Variants in REDIC1 observed in about 807,000 individuals in gnomAD.
REDIC1 encodes the protein regulator of DNA class I crossover intermediates 1.
At chr12:39,858,901 C>A in the REDIC1 span, among the ~76,000 whole-genome samples, 1 of 152,042 alleles carries the variant, frequency 6.6e-6, no homozygotes, top group Admixed American at 6.6e-5. Context: ...GCACCGTGCC[C>A]GACCGTTTTT....
the REDIC1 span, chr12:39,692,036 G>C: frequency 6.4e-7 from 1 of 1,556,198 alleles, no homozygotes; most frequent in Non-Finnish European, 8.7e-7. Context: ...TTAACATTTT[G>C]GTTTTCTCCT....
At chr12:39,853,977 T>C in the REDIC1 span, among the ~76,000 whole-genome samples, 1 of 152,110 alleles carries the variant, frequency 6.6e-6, no homozygotes, top group East Asian at 1.9e-4. Flanking sequence ...TAAAATAAAA[T>C]CCTAGTGTTT....
At chr12:39,653,073 A>T in the REDIC1 span, among the ~76,000 whole-genome samples, 3 of 152,144 alleles carry the variant, frequency 2.0e-5, no homozygotes, top group Non-Finnish European at 4.4e-5. Flanking sequence ...AAAAACCAGA[A>T]ACCAAATCTA....
At chr12:39,810,750 C>T in the REDIC1 span, among the ~76,000 whole-genome samples, 82 of 152,108 alleles carry the variant, frequency 5.4e-4, 3 homozygotes, top group East Asian at 4.2e-3. Context: ...TTTCTCTTTT[C>T]TTCTCTTAAT....
the REDIC1 span, among the ~76,000 whole-genome samples, chr12:39,764,067 C>G: frequency 2.6e-5 from 4 of 152,096 alleles, no homozygotes; most frequent in Admixed American, 2.6e-4. Context: ...GGACGCTATG[C>G]CTGTCACAGG....
the REDIC1 span, among the ~76,000 whole-genome samples, chr12:39,768,220 G>A: frequency 6.6e-6 from 1 of 152,048 alleles, no homozygotes; most frequent in African/African-American, 2.4e-5. Context: ...GAATTAAATG[G>A]AATTAGAGAC....
chr12:39,730,329 G>T, the REDIC1 span, among the ~76,000 whole-genome samples: 21 of 152,306 alleles, frequency 1.4e-4, no homozygotes, highest in African/African-American at 4.8e-4. Context: ...GCTTTCTTCA[G>T]GACCTCTTGT....
At chr12:39,720,944 A>G in the REDIC1 span, 15 of 1,613,714 alleles carry the variant, frequency 9.3e-6, no homozygotes, top group East Asian at 2.2e-5. Context: ...CACAAACAGA[A>G]TGAGAATTTC....
chr12:39,825,206 C>A, the REDIC1 span, among the ~76,000 whole-genome samples: 226 of 152,102 alleles, frequency 1.5e-3, 2 homozygotes, highest in Admixed American at 3.7e-3. Flanking sequence ...ATTAGCAATA[C>A]TATTTTAAAT....
chr12:39,860,833 A>G, the REDIC1 span, among the ~76,000 whole-genome samples: 1 of 152,118 alleles, frequency 6.6e-6, no homozygotes, highest in Non-Finnish European at 1.5e-5. Flanking sequence ...GACAACTGTA[A>G]AAAACCAGTC....
chr12:39,684,133 A>G, the REDIC1 span: 3 of 1,000,490 alleles, frequency 3.0e-6, no homozygotes, highest in African/African-American at 1.7e-5. Context: ...GGTGTACAAA[A>G]TGTTCTGAGT....
At chr12:39,666,092 C>T in the REDIC1 span, among the ~76,000 whole-genome samples, 4 of 152,158 alleles carry the variant, frequency 2.6e-5, no homozygotes, top group East Asian at 7.7e-4. Flanking sequence ...GCCAGAACTT[C>T]CAATACTATG....
chr12:39,898,251 A>G, the REDIC1 span, among the ~76,000 whole-genome samples: 1 of 152,196 alleles, frequency 6.6e-6, no homozygotes, highest in African/African-American at 2.4e-5. Flanking sequence ...TACTGCACAG[A>G]AAAGAACCAA....
At chr12:39,677,647 C>T in the REDIC1 span, among the ~76,000 whole-genome samples, 1 of 152,136 alleles carries the variant, frequency 6.6e-6, no homozygotes, top group African/African-American at 2.4e-5. Flanking sequence ...ACATTCTTTT[C>T]ATCAGCACAT....
At chr12:39,877,577 T>C in the REDIC1 span, among the ~76,000 whole-genome samples, 1 of 152,178 alleles carries the variant, frequency 6.6e-6, no homozygotes, top group Non-Finnish European at 1.5e-5. Flanking sequence ...TATATTCTCT[T>C]TCATAGGGCA....
chr12:39,711,927 CTA>C, the REDIC1 span, among the ~76,000 whole-genome samples: 1 of 119,630 alleles, frequency 8.4e-6, no homozygotes, highest in Non-Finnish European at 1.8e-5. Context: ...ACATACATGT[CTA>C]TATGTATATA....
the REDIC1 span, chr12:39,764,899 G>A: frequency 6.8e-5 from 108 of 1,590,488 alleles, no homozygotes; most frequent in Middle Eastern, 1.0e-3. Context: ...TAATGTTTTT[G>A]ACTACAGTTG....
the REDIC1 span, among the ~76,000 whole-genome samples, chr12:39,848,910 C>G: frequency 6.6e-6 from 1 of 152,094 alleles, no homozygotes; most frequent in Non-Finnish European, 1.5e-5. Flanking sequence ...CCTTAGCAAA[C>G]TAACACAGGA....
chr12:39,682,485 A>C, the REDIC1 span: 1 of 528,470 alleles, frequency 1.9e-6, no homozygotes, highest in Non-Finnish European at 2.9e-6. Flanking sequence ...AATATAAAAA[A>C]TAAAAACATA....
Sources: allele counts gnomAD v4.1 joint callset (sites outside exome capture counted in the v4.1 genomes callset), GRCh38; gene constraint gnomAD v4.1.1; transcripts MANE v1.5; gene names NCBI Gene and HGNC (gene_info 2026-07-23, HGNC 2026-07-21).